Variants in UBR2 observed in about 807,000 individuals in gnomAD.
UBR2 encodes E3 ubiquitin-protein ligase UBR2.
In UBR2, 92 loss-of-function variants were observed where a neutral mutation model predicts 247.9. The ratio of observed to expected loss-of-function variants is 0.37; its 90% confidence interval spans 0.31 to 0.44. The LOEUF (loss-of-function observed/expected upper bound fraction) is 0.44, where lower values mean the gene tolerates loss of function less well. Ranked by LOEUF, UBR2 falls within the 20% of genes least tolerant of loss-of-function variation. The pLI, the probability that UBR2 is intolerant of heterozygous loss-of-function variation, is 1.00. For missense variants in UBR2, 1,613 were observed against 2,112.6 expected (o/e 0.76, Z 4.64); for synonymous variants, 672 against 693.5 (o/e 0.97, Z 0.49).
chr6:42,589,312 A>G (rs1224584338), intron 2 of UBR2, among the ~76,000 whole-genome samples: 1 of 152,124 alleles, frequency 6.6e-6, no homozygotes, highest in Non-Finnish European at 1.5e-5. Context: ...TAGCCTGTTA[A>G]TGTGATAGAT....
intron 11 of UBR2, among the ~76,000 whole-genome samples, chr6:42,626,068 C>A (rs533936662): frequency 6.6e-6 from 1 of 152,250 alleles, no homozygotes; most frequent in East Asian, 1.9e-4. Context: ...CCTGCCTCAG[C>A]CTCCCAAAGT....
At chr6:42,625,513 G>C (rs1795286666) in intron 11 of UBR2, among the ~76,000 whole-genome samples, 1 of 152,080 alleles carries the variant, frequency 6.6e-6, no homozygotes, top group Non-Finnish European at 1.5e-5. Context: ...GCAGTGGCAT[G>C]ATTTCAGCTC....
At position 42,663,487 on chromosome 6, in the gene UBR2, C is replaced by T; in HGVS notation, c.3698+68C>T. On this transcript the variant is annotated intron_variant, in intron 32 of 46. Coordinates refer to ENST00000372901, the MANE Select transcript of UBR2 (RefSeq NM_001363705.2). ...CTTTGAAGATAATGAAATAATAAAT[C>T]AAGGAGGAAAACTTAGTCTAGGCAA... 7.5e-6 allele frequency: 11 copies of T among 1,472,416 alleles called. No individual in the cohort carries two copies. In the South Asian group the frequency reaches 9.6e-5, roughly 13 times the overall value. 91.2% of individuals were successfully genotyped at this position (1,472,416 alleles called of 1,614,324 possible). A position where few individuals can be genotyped will look rare whatever the true frequency, so the allele number is the denominator to read the frequency against.
Position 42,652,615 on chromosome 6 carries a change from A to G in UBR2, c.2739A>G (p.Gly913=). The change falls in exon 25 of 47, where the codon GGA becomes GGG. Residue 913 remains glycine (G), a synonymous_variant. Coordinates refer to ENST00000372901, the MANE Select transcript of UBR2 (RefSeq NM_001363705.2). ...TGCAATGGGCTGTGGAACATAATGG[A>G]TATGCCTGGTCAGAGTCCATGCTGC... The part of the protein sequence containing the change: ...TILQWAVEHN[G]YAWSESMLQR... The G allele has an allele frequency of 1.9e-6, 3 of 1,613,148 alleles. No individual in the cohort carries two copies. The South Asian group carries it at 3.3e-5, about 18-fold the overall frequency.
chr6:42,629,177 C>T (rs1269905524), intron 11 of UBR2, among the ~76,000 whole-genome samples: 6 of 151,900 alleles, frequency 3.9e-5, no homozygotes, highest in Admixed American at 6.6e-5. Flanking sequence ...CCACCATGCC[C>T]GGGTAATTTT....
chr6:42,644,535 T>C lies in UBR2; in HGVS notation c.2283T>C (p.Val761=). 1 of 1,608,118 alleles carries C rather than the reference T, an allele frequency of 6.2e-7. No homozygotes were observed. Among genetic ancestry groups the C allele is most frequent in the Non-Finnish European group, 8.5e-7 (1 of 1,177,814 alleles). The change falls in exon 20 of 47, where the codon GTT becomes GTC. Residue 761 remains valine (V), a splice_region_variant and synonymous_variant. Coordinates refer to ENST00000372901, the MANE Select transcript of UBR2 (RefSeq NM_001363705.2). The part of the protein sequence containing the change: ...EEMLYLIIML[V]GERFSPGVGQ... ...TGCTATACCTCATTATAATGCTTGT[T>C]GGTAAGTTTAAATTGTTTGAGGCAT...
intron 44 of UBR2, among the ~76,000 whole-genome samples, chr6:42,687,264 C>G (rs1033527967): frequency 6.6e-6 from 1 of 152,240 alleles, no homozygotes; most frequent in African/African-American, 2.4e-5. Flanking sequence ...TGGCAGATCA[C>G]TCGCCGTCAG....
intron 36 of UBR2, among the ~76,000 whole-genome samples, chr6:42,673,312 C>T (rs993614688): frequency 9.9e-5 from 15 of 152,096 alleles, no homozygotes; most frequent in South Asian, 2.1e-4. Context: ...ATACTGCATC[C>T]GCATCTTGGC....
At chr6:42,671,582 C>T (rs897858827) in intron 36 of UBR2, among the ~76,000 whole-genome samples, 3 of 152,180 alleles carry the variant, frequency 2.0e-5, no homozygotes, top group African/African-American at 4.8e-5. Flanking sequence ...TATCATTTTG[C>T]GTGGGCATTT....
At chr6:42,581,050 A>G (rs111674829) in intron 2 of UBR2, among the ~76,000 whole-genome samples, 2,909 of 77,114 alleles carry the variant, frequency 0.038, 102 homozygotes, top group African/African-American at 0.13. Flanking sequence ...GTTTTGCTCT[A>G]TTGACCAGGC....
At chr6:42,579,235 T>C (rs1056269807) in intron 2 of UBR2, among the ~76,000 whole-genome samples, 1 of 152,060 alleles carries the variant, frequency 6.6e-6, no homozygotes, top group African/African-American at 2.4e-5. Context: ...GCACATCACA[T>C]GGTGAGAGCA....
intron 38 of UBR2, 46 bp from the exon 39 acceptor site, chr6:42,676,010 G>T (rs1447377002): frequency 1.3e-6 from 2 of 1,538,670 alleles, no homozygotes; most frequent in Non-Finnish European, 1.7e-6. Context: ...TTGCTTAGCT[G>T]TGAAAGGAAA....
At chr6:42,613,906 G>A (rs1398133179) in intron 8 of UBR2, among the ~76,000 whole-genome samples, 2 of 151,278 alleles carry the variant, frequency 1.3e-5, no homozygotes, top group Non-Finnish European at 2.9e-5. Context: ...CAGGTGCAGT[G>A]GCTCATGCTG....
chr6:42,675,995 G>A, intron 38 of UBR2, 61 bp from the exon 39 acceptor site: 1 of 1,507,112 alleles, frequency 6.6e-7, no homozygotes, highest in Non-Finnish European at 8.8e-7. Context: ...TAAGAAGATG[G>A]AAATTTGCTT....
intron 2 of UBR2, among the ~76,000 whole-genome samples, chr6:42,585,695 T>G (rs1792207136): frequency 6.6e-6 from 1 of 152,226 alleles, no homozygotes; most frequent in Non-Finnish European, 1.5e-5. Context: ...TATTTCATCA[T>G]ATAATGTCAA....
At chr6:42,642,147 G>A (rs911837176) in intron 17 of UBR2, among the ~76,000 whole-genome samples, 1 of 151,974 alleles carries the variant, frequency 6.6e-6, no homozygotes, top group African/African-American at 2.4e-5. Context: ...TTTCTCCTGT[G>A]TTTGGTAGCT....
chr6:42,648,154 G>A lies in UBR2; in HGVS notation c.2446G>A (p.Ala816Thr). ...GACTGGCATGGAGAGTGTAATCGAA[G>A]CAGTTGCCCATTTCAAGTGAGTTTA... is the stretch of plus-strand genomic sequence containing the variant. ...KETGMESVIE[A>T]VAHFKKPGLT... The change falls in exon 22 of 47, where the codon GCA becomes ACA. Residue 816 changes from alanine (A) to threonine (T), a missense_variant. Coordinates refer to ENST00000372901, the MANE Select transcript of UBR2 (RefSeq NM_001363705.2). The A allele has an allele frequency of 6.2e-7, 1 of 1,613,942 alleles. No individual in the cohort carries two copies. Among genetic ancestry groups the A allele is most frequent in the African/African-American group, 1.3e-5 (1 of 75,042 alleles).
chr6:42,620,971 T>TTTTG lies in UBR2; in HGVS notation c.1281+3486_1281+3489dup, dbSNP rs755703319. On this transcript the variant is annotated intron_variant, in intron 11 of 46. Coordinates refer to ENST00000372901, the MANE Select transcript of UBR2 (RefSeq NM_001363705.2). ...AGGCGTGTGTGACCATACCTGGCTA[T>TTTTG]TTTGTTTGTTTGTTTGTTTGTTTGT... is the stretch of plus-strand genomic sequence containing the variant. Among the ~76,000 whole-genome samples, 60 of 151,290 alleles carry TTTTG rather than the reference T, an allele frequency of 4.0e-4. No homozygotes were observed. In the East Asian group the frequency reaches 4.8e-3, roughly 12 times the overall value.
intron 15 of UBR2, among the ~76,000 whole-genome samples, chr6:42,639,976 C>T (rs1796324618): frequency 6.6e-6 from 1 of 152,152 alleles, no homozygotes; most frequent in Non-Finnish European, 1.5e-5. Flanking sequence ...TGCAGTGATC[C>T]AAGATCGCGC....
Sources: allele counts gnomAD v4.1 joint callset (sites outside exome capture counted in the v4.1 genomes callset), GRCh38; gene constraint gnomAD v4.1.1; transcripts MANE v1.5; gene names NCBI Gene and HGNC (gene_info 2026-07-23, HGNC 2026-07-21).